The following RABGAP1 variants were observed in gnomAD, a reference collection of about 807,000 sequenced individuals.
RABGAP1 encodes the protein rab GTPase-activating protein 1.
A neutral mutation model predicts 137.6 loss-of-function variants in RABGAP1; 23 were observed. The ratio of observed to expected loss-of-function variants is 0.17; its 90% CI spans 0.12 to 0.24. RABGAP1 has a LOEUF of 0.24. Ranked by LOEUF, RABGAP1 falls within the 10% of genes least tolerant of loss-of-function variation. The pLI, the probability that RABGAP1 is intolerant of heterozygous loss-of-function variation, is 1.00. For synonymous variants in RABGAP1, 451 were observed against 450.7 expected (o/e 1.00, Z -0.01); for missense variants, 906 against 1,275.8 (o/e 0.71, Z 4.42).
chr9:122,933,177 T>C, the RABGAP1 span, among the ~76,000 whole-genome samples: 227 of 152,270 alleles, frequency 1.5e-3, 1 homozygote, highest in Admixed American at 0.013. Context: ...TGGGGTATTG[T>C]AGTCTCCCAC....
At chr9:122,953,288 A>T (rs909078945) in intron 1 of RABGAP1, among the ~76,000 whole-genome samples, 20 of 152,268 alleles carry the variant, frequency 1.3e-4, no homozygotes, top group African/African-American at 3.9e-4. Context: ...TAAATGTTTT[A>T]TGTATAGTCC....
At chr9:123,074,449 C>G (rs186400186) in intron 17 of RABGAP1, 21 bp downstream of exon 17, 1 of 1,600,850 alleles carries the variant, frequency 6.2e-7, no homozygotes, top group Non-Finnish European at 8.5e-7. Context: ...GAGGCCACAG[C>G]ACTTTGGCTT....
rs373183101 is a variant in RABGAP1, at chr9:122,984,664, A to G, written c.330A>G (p.Pro110=). Residue 110 remains proline, a synonymous_variant, in exon 3 of 26, where the codon CCA becomes CCG. Coordinates refer to ENST00000373647, the MANE Select transcript of RABGAP1 (RefSeq NM_012197.4). ...CTTCATCCACCATTAACCCTGTGCC[A>G]TTAGTAGGGCTCCAAAAACCAGAGA... ...LSASSTINPV[P]LVGLQKPEMS... is the part of the protein sequence containing the mutation. 1.2e-5 allele frequency: 20 copies of G among 1,614,098 alleles called. No homozygotes were observed. In the African/African-American group the frequency reaches 2.3e-4, roughly 18 times the overall value.
intron 1 of RABGAP1, among the ~76,000 whole-genome samples, chr9:122,952,403 C>T (rs1431653457): frequency 2.6e-5 from 4 of 151,970 alleles, no homozygotes; most frequent in South Asian, 2.1e-4. Flanking sequence ...GGACTACAGG[C>T]GCCTGCCCCC....
intron 13 of RABGAP1, among the ~76,000 whole-genome samples, chr9:123,038,720 TGAA>T (rs1385519816): frequency 1.3e-5 from 2 of 151,536 alleles, no homozygotes; most frequent in Non-Finnish European, 2.9e-5. Context: ...CATTTCAGGT[TGAA>T]GAAAAAAATA....
intron 2 of RABGAP1, among the ~76,000 whole-genome samples, chr9:122,958,347 A>C (rs1331601839): frequency 4.6e-5 from 7 of 151,816 alleles, no homozygotes; most frequent in Non-Finnish European, 8.8e-5. Flanking sequence ...CTTTAATTCT[A>C]ATGGGGGAAA....
Position 123,039,835 on chromosome 9 carries a change from T to C in RABGAP1, c.1794+19376T>C, listed in dbSNP as rs114759835. ...GAAAGCCTTGATGAAAGAAACTTCC[T>C]ATGTGGTTTTGCTTTTGTCTCCCTT... On this transcript the variant is annotated intron_variant, in intron 13 of 25. Coordinates refer to ENST00000373647, the MANE Select transcript of RABGAP1 (RefSeq NM_012197.4). 2.9e-3 allele frequency among the ~76,000 whole-genome samples: 446 copies of C among 152,314 alleles called. 2 individuals are homozygous for C. The highest frequency in any genetic ancestry group is 0.01 in the African/African-American group (422 of 41,584).
At chr9:123,063,683 A>T (rs113826492) in intron 13 of RABGAP1, among the ~76,000 whole-genome samples, 3 of 152,222 alleles carry the variant, frequency 2.0e-5, no homozygotes, top group African/African-American at 7.2e-5. Flanking sequence ...TATCTTCCTT[A>T]ATGAAACACC....
At chr9:123,084,265 T>G (rs968286752) in intron 19 of RABGAP1, among the ~76,000 whole-genome samples, 19 of 152,236 alleles carry the variant, frequency 1.2e-4, no homozygotes, top group African/African-American at 4.3e-4. Flanking sequence ...TATCAGTAAC[T>G]AAAAATCAGT....
intron 13 of RABGAP1, among the ~76,000 whole-genome samples, chr9:123,030,216 AT>A (rs143298571): frequency 0.099 from 15,042 of 152,152 alleles, 2,387 homozygotes; most frequent in African/African-American, 0.34. Flanking sequence ...TTTGAGTTAG[AT>A]TGAGTACCAA....
intron 24 of RABGAP1, among the ~76,000 whole-genome samples, chr9:123,100,502 A>C (rs2035313733): frequency 6.6e-6 from 1 of 151,298 alleles, no homozygotes; most frequent in Non-Finnish European, 1.5e-5. Flanking sequence ...GGCTCACTGC[A>C]ACCTCCGCCT....
intron 4 of RABGAP1, among the ~76,000 whole-genome samples, chr9:122,988,942 CAAAAAAAAAA>C (rs56914411): frequency 1.8e-5 from 1 of 57,068 alleles, no homozygotes; most frequent in African/African-American, 6.8e-5. Context: ...AAACTTGTCT[CAAAAAAAAAA>C]AAAAAAAAGC....
intron 2 of RABGAP1, among the ~76,000 whole-genome samples, chr9:122,957,426 G>A (rs1387365573): frequency 6.6e-6 from 1 of 152,096 alleles, no homozygotes; most frequent in African/African-American, 2.4e-5. Flanking sequence ...ATACCCCTAA[G>A]TGTCAAAACT....
At chr9:122,937,348 C>T (rs1327109068), upstream of RABGAP1, among the ~76,000 whole-genome samples, 1 of 152,230 alleles carries the variant, frequency 6.6e-6, no homozygotes, top group Admixed American at 6.5e-5. Flanking sequence ...CCTGTAATCC[C>T]AGCGCTTTGG....
chr9:123,065,499 G>T, intron 14 of RABGAP1, 38 bp downstream of exon 14: 1 of 1,377,562 alleles, frequency 7.3e-7, no homozygotes, highest in Non-Finnish European at 1.0e-6. Context: ...TCAATTCTGA[G>T]TGGTGGTTCT....
At chr9:123,005,507 A>G (rs911643934) in intron 10 of RABGAP1, among the ~76,000 whole-genome samples, 2 of 152,058 alleles carry the variant, frequency 1.3e-5, no homozygotes, top group African/African-American at 4.8e-5. Flanking sequence ...AAATTAGCAT[A>G]CTCCATATGT....
intron 10 of RABGAP1, among the ~76,000 whole-genome samples, chr9:123,005,076 A>C (rs934636300): frequency 7.4e-5 from 10 of 135,014 alleles, no homozygotes; most frequent in East Asian, 4.1e-4. Flanking sequence ...AAAAAAAAAA[A>C]ACTAAAAAAG....
chr9:122,961,514 A>G (rs1834850419), intron 2 of RABGAP1, among the ~76,000 whole-genome samples: 1 of 152,226 alleles, frequency 6.6e-6, no homozygotes. Flanking sequence ...CCCACTTTAC[A>G]AGAAACACTA....
chr9:122,993,094 A>G (rs940963870), intron 6 of RABGAP1, among the ~76,000 whole-genome samples: 2 of 152,074 alleles, frequency 1.3e-5, no homozygotes, highest in African/African-American at 4.8e-5. Flanking sequence ...GTAGAAATTA[A>G]GTGTTGAATA....
Sources: gnomAD v4.1 joint callset for allele counts (sites outside exome capture counted in the v4.1 genomes callset) on GRCh38, gnomAD v4.1.1 for gene constraint, MANE v1.5 for transcripts, NCBI Gene and HGNC (gene_info 2026-07-23, HGNC 2026-07-21) for gene names.